AGBL1: variants seen among roughly 807,000 people sequenced by gnomAD.
The protein encoded by AGBL1 is AGBL carboxypeptidase 1.
AGBL1 carries 130 observed loss-of-function variants against 118.9 expected under a neutral mutation model. The observed-to-expected ratio is 1.09, with a 90% CI of 0.95 to 1.26. AGBL1 has a LOEUF of 1.26. AGBL1 is among the 50% of genes most tolerant of loss of function. The pLI is 0.00. For missense variants in AGBL1, 1,584 were observed against 1,298.1 expected (o/e 1.22, Z -3.38); for synonymous variants, 555 against 478.9 (o/e 1.16, Z -2.08).
intron 21 of AGBL1, among the ~76,000 whole-genome samples, chr15:86,624,170 G>A (rs756029243): frequency 2.0e-5 from 3 of 152,192 alleles, no homozygotes; most frequent in Non-Finnish European, 4.4e-5. Flanking sequence ...GTCAGAGCAT[G>A]CCTGTCAAAT....
At chr15:86,904,477 G>A (rs1395314598) in intron 22 of AGBL1, among the ~76,000 whole-genome samples, 1 of 150,396 alleles carries the variant, frequency 6.6e-6, no homozygotes, top group East Asian at 1.9e-4. Context: ...TGCTTACATT[G>A]CATTTGGGCA....
At chr15:86,883,827 G>A (rs780967506) in intron 22 of AGBL1, among the ~76,000 whole-genome samples, 21 of 152,110 alleles carry the variant, frequency 1.4e-4, no homozygotes, top group Non-Finnish European at 2.5e-4. Flanking sequence ...ATTAGTGACT[G>A]TAAGAATTTT....
chr15:86,195,926 A>C (rs1191107919), intron 5 of AGBL1, among the ~76,000 whole-genome samples: 1 of 152,134 alleles, frequency 6.6e-6, no homozygotes, highest in Non-Finnish European at 1.5e-5. Context: ...TTCAACAACT[A>C]TTCTCTTTTG....
At chr15:86,657,193 A>G (rs76262344) in intron 21 of AGBL1, among the ~76,000 whole-genome samples, 14,122 of 152,052 alleles carry the variant, frequency 0.093, 1,450 homozygotes, top group African/African-American at 0.24. Context: ...GTTCCTCCAG[A>G]AATATTTCAT....
chr15:86,368,144 C>G (rs140180665), intron 17 of AGBL1, among the ~76,000 whole-genome samples: 1 of 152,168 alleles, frequency 6.6e-6, no homozygotes, highest in East Asian at 1.9e-4. Context: ...AAAGATGCAT[C>G]CAGGAATAGC....
chr15:86,154,384 G>A (rs765889786), intron 3 of AGBL1, 46 bp from the exon 4 acceptor site: 11 of 1,593,528 alleles, frequency 6.9e-6, no homozygotes, highest in Non-Finnish European at 7.7e-6. Context: ...GTACAATCCA[G>A]AATCAATGTG....
intron 22 of AGBL1, among the ~76,000 whole-genome samples, chr15:86,812,159 T>C (rs2078799319): frequency 6.6e-6 from 1 of 152,204 alleles, no homozygotes; most frequent in Non-Finnish European, 1.5e-5. Context: ...GCTTACTTTT[T>C]ATTTTTCATA....
At chr15:86,318,739 A>T (rs1438334566) in intron 17 of AGBL1, among the ~76,000 whole-genome samples, 1 of 108,750 alleles carries the variant, frequency 9.2e-6, no homozygotes, top group African/African-American at 3.7e-5. Context: ...ATTGGTCAGG[A>T]TTTGTAAGCC....
intron 18 of AGBL1, among the ~76,000 whole-genome samples, chr15:86,458,209 G>T (rs2082284299): frequency 6.6e-6 from 1 of 151,992 alleles, no homozygotes; most frequent in African/African-American, 2.4e-5. Context: ...AATATTTGGA[G>T]GAGAGCTTAT....
intron 22 of AGBL1, among the ~76,000 whole-genome samples, chr15:86,689,841 G>T: frequency 6.6e-6 from 1 of 152,248 alleles, no homozygotes; most frequent in South Asian, 2.1e-4. Context: ...AAGTGGATAA[G>T]GATAAATTCT....
chr15:86,649,775 G>A (rs2085340483), intron 21 of AGBL1, among the ~76,000 whole-genome samples: 2 of 145,396 alleles, frequency 1.4e-5, no homozygotes, highest in Admixed American at 6.8e-5. Flanking sequence ...TTTTTTTTTG[G>A]TGGGGGGCTT....
In AGBL1 at chr15:86,247,697, C is replaced by T. The variant is rs775260016; in HGVS notation, c.553C>T (p.Arg185Ter). The stretch of plus-strand genomic sequence containing the variant: ...GTCGAACGGCCGCAGAGCAGTGAAC[C>T]GAGGCTACGTCACCAGCCTGCTCGG... ...SKSNGRRAVN[R>*]GYVTSLLGLH... Residue 185 changes from arginine to a stop codon, truncating the protein, a stop_gained, in exon 7 of 23, where the codon CGA becomes TGA. Transcript: ENST00000614907. LOFTEE classifies it high-confidence loss of function. The T allele has an allele frequency of 1.2e-5, 19 of 1,610,610 alleles. No homozygotes were observed. Among genetic ancestry groups the T allele is most frequent in the South Asian group, 4.4e-5 (4 of 90,332 alleles).
At chr15:86,836,836 A>G (rs769880639) in intron 22 of AGBL1, among the ~76,000 whole-genome samples, 7 of 152,202 alleles carry the variant, frequency 4.6e-5, no homozygotes, top group South Asian at 2.1e-4. Context: ...GCAACTTCCC[A>G]GATAGTAGTA....
chr15:86,262,078 C>CTTTTTGTTTTTTTTTTTTTTTTTTTT (rs2078997460), intron 9 of AGBL1, among the ~76,000 whole-genome samples: 1 of 52,768 alleles, frequency 1.9e-5, no homozygotes, highest in African/African-American at 6.1e-5. Flanking sequence ...GCATAGCTGG[C>CTTTTTGTTTTTTTTTTTTTTTTTTTT]TTTTTTTTTT....
chr15:86,766,391 T>C (rs1469106549), intron 22 of AGBL1, among the ~76,000 whole-genome samples: 1 of 152,010 alleles, frequency 6.6e-6, no homozygotes, highest in Non-Finnish European at 1.5e-5. Flanking sequence ...TTTATAAAAC[T>C]ACTTATGGTA....
chr15:86,661,152 A>T (rs2085531014), intron 21 of AGBL1, among the ~76,000 whole-genome samples: 5 of 152,188 alleles, frequency 3.3e-5, no homozygotes, highest in Admixed American at 2.6e-4. Flanking sequence ...CTTCCTTCAG[A>T]CATTCAAGGC....
chr15:86,689,028 C>G (rs566219686), intron 22 of AGBL1, among the ~76,000 whole-genome samples: 1 of 152,146 alleles, frequency 6.6e-6, no homozygotes, highest in Non-Finnish European at 1.5e-5. Flanking sequence ...TACTCGTGTT[C>G]TAATCCTATT....
chr15:86,357,888 C>T (rs958662663), intron 17 of AGBL1, among the ~76,000 whole-genome samples: 2 of 151,956 alleles, frequency 1.3e-5, no homozygotes, highest in Non-Finnish European at 2.9e-5. Context: ...ACGTTTATTG[C>T]GGTATACCTG....
intron 17 of AGBL1, among the ~76,000 whole-genome samples, chr15:86,393,195 A>G (rs545051170): frequency 7.2e-5 from 11 of 152,328 alleles, no homozygotes; most frequent in South Asian, 2.1e-4. Context: ...GTGTATTACA[A>G]TACAGCAGAT....
Sources: gnomAD v4.1 joint callset for allele counts (sites outside exome capture counted in the v4.1 genomes callset) on GRCh38, gnomAD v4.1.1 for gene constraint, MANE v1.5 for transcripts, NCBI Gene and HGNC (gene_info 2026-07-23, HGNC 2026-07-21) for gene names.